CAMKMT: variants seen among roughly 807,000 people sequenced by gnomAD.
The protein encoded by CAMKMT is calmodulin-lysine N-methyltransferase, also known as CaM KMT.
CAMKMT carries 53 observed loss-of-function variants against 48.0 expected under a neutral mutation model. The observed-to-expected ratio is 1.10, with a 90% CI of 0.89 to 1.39. CAMKMT has a LOEUF of 1.39. CAMKMT is among the 40% of genes most tolerant of loss of function. The pLI is 0.00. For missense variants in CAMKMT, 428 were observed against 402.7 expected (o/e 1.06, Z -0.54); for synonymous variants, 165 against 152.3 (o/e 1.08, Z -0.61).
intron 3 of CAMKMT, among the ~76,000 whole-genome samples, chr2:44,511,168 C>A (rs565045041): frequency 3.0e-4 from 45 of 152,018 alleles, no homozygotes; most frequent in African/African-American, 1.1e-3. Flanking sequence ...GCCTTTTCAT[C>A]CCCATAGCTT....
chr2:44,564,406 C>T (rs1668499055), intron 3 of CAMKMT, among the ~76,000 whole-genome samples: 1 of 152,064 alleles, frequency 6.6e-6, no homozygotes, highest in African/African-American at 2.4e-5. Context: ...AACTCCTGAC[C>T]TCAACTGATC....
intron 9 of CAMKMT, among the ~76,000 whole-genome samples, chr2:44,764,605 C>G (rs1455702747): frequency 6.6e-6 from 1 of 152,128 alleles, no homozygotes; most frequent in African/African-American, 2.4e-5. Flanking sequence ...TCTGATTGTC[C>G]TGAGGTGACA....
intron 3 of CAMKMT, among the ~76,000 whole-genome samples, chr2:44,677,342 T>C (rs1193032853): frequency 6.6e-6 from 1 of 152,126 alleles, no homozygotes; most frequent in African/African-American, 2.4e-5. Flanking sequence ...TGCAAGAACA[T>C]AGGCAAACTT....
intron 3 of CAMKMT, among the ~76,000 whole-genome samples, chr2:44,565,089 A>G (rs1474418695): frequency 1.3e-5 from 2 of 152,188 alleles, no homozygotes; most frequent in Admixed American, 6.5e-5. Context: ...CGGAGAAGGC[A>G]TCTTTCTCAT....
At chr2:44,467,573 A>G (rs1320151686) in intron 3 of CAMKMT, among the ~76,000 whole-genome samples, 2 of 151,906 alleles carry the variant, frequency 1.3e-5, no homozygotes, top group African/African-American at 4.8e-5. Context: ...AAGCCAAACC[A>G]ACAAACAAAA....
intron 3 of CAMKMT, among the ~76,000 whole-genome samples, chr2:44,468,540 A>G (rs1037562027): frequency 6.6e-6 from 1 of 152,232 alleles, no homozygotes; most frequent in East Asian, 1.9e-4. Context: ...TTGAAGAGCT[A>G]TCTGCACTCC....
chr2:44,507,996 C>A (rs182730696), intron 3 of CAMKMT, among the ~76,000 whole-genome samples: 120 of 152,308 alleles, frequency 7.9e-4, no homozygotes, highest in African/African-American at 2.8e-3. Flanking sequence ...TGGTGAAGGA[C>A]TTTTATGCAT....
chr2:44,594,943 A>G (rs547394937), intron 3 of CAMKMT, among the ~76,000 whole-genome samples: 8 of 152,342 alleles, frequency 5.3e-5, no homozygotes, highest in African/African-American at 1.9e-4. Context: ...CAGAATCTAC[A>G]AAGAACTTAA....
In CAMKMT at chr2:44,618,523, G is replaced by A. The variant is rs748372208; in HGVS notation, c.377-85760G>A. 4.6e-5 allele frequency among the ~76,000 whole-genome samples: 7 copies of A among 152,194 alleles called. No individual in the cohort carries two copies. Among genetic ancestry groups the A allele is most frequent in the African/African-American group, 1.2e-4 (5 of 41,438 alleles). Reference sequence around the variant, plus strand: ...GATGAGATGACATTGATGATGACACGTTGAGCATTGGTTGGTTTTAAGACA... The same window carrying A: ...GATGAGATGACATTGATGATGACACATTGAGCATTGGTTGGTTTTAAGACA... On this transcript the variant is annotated intron_variant, in intron 3 of 10. Transcript: ENST00000378494. This position sits in a 1 kb window ranked among gnomAD's most constrained non-coding sequence, Gnocchi z 4.0.
chr2:44,678,367 T>G (rs1325688633), intron 3 of CAMKMT, among the ~76,000 whole-genome samples: 4 of 152,196 alleles, frequency 2.6e-5, no homozygotes, highest in African/African-American at 9.6e-5. Context: ...AATGTGACTG[T>G]GTATTCACTG....
intron 7 of CAMKMT, 116 bp from the exon 8 acceptor site, chr2:44,743,506 A>C: frequency 3.0e-6 from 2 of 672,010 alleles, no homozygotes; most frequent in Non-Finnish European, 5.1e-6. Context: ...TTTTGAAATA[A>C]TTTGTATATA....
rs148740366 is a variant in CAMKMT, at chr2:44,677,475, G to C, written c.377-26808G>C. Among the ~76,000 whole-genome samples, 202 of 152,270 alleles carry C rather than the reference G, an allele frequency of 1.3e-3. 1 individual carries two copies. The highest frequency in any genetic ancestry group is 2.3e-3 in the Non-Finnish European group (158 of 68,014). On this transcript the variant is annotated intron_variant, in intron 3 of 10. Coordinates refer to ENST00000378494, the MANE Select transcript of CAMKMT (RefSeq NM_024766.5). ...AGTCTGTACTCAGGAGAGCTGTCCAGAGTAGCCAGGCCACATCCAGCCACA... is the reference window on the plus strand; with the variant it reads ...AGTCTGTACTCAGGAGAGCTGTCCACAGTAGCCAGGCCACATCCAGCCACA...
chr2:44,402,740 GTTTT>G, intron 3 of CAMKMT, among the ~76,000 whole-genome samples: 1 of 94,104 alleles, frequency 1.1e-5, no homozygotes, highest in Non-Finnish European at 2.1e-5. Flanking sequence ...TTGTTTTGCT[GTTTT>G]TTTTTTTTTT....
chr2:44,759,060 T>C (rs901387177), intron 9 of CAMKMT, among the ~76,000 whole-genome samples: 1 of 152,204 alleles, frequency 6.6e-6, no homozygotes, highest in African/African-American at 2.4e-5. Flanking sequence ...ATCACCAGAT[T>C]CCCAGAGTCC....
intron 3 of CAMKMT, among the ~76,000 whole-genome samples, chr2:44,623,132 T>G (rs911556741): frequency 6.6e-6 from 1 of 152,234 alleles, no homozygotes; most frequent in African/African-American, 2.4e-5. Flanking sequence ...TGTCTTCTTT[T>G]GAGAAGTGTC....
At chr2:44,379,051 A>G (rs75108931) in intron 2 of CAMKMT, among the ~76,000 whole-genome samples, 451 of 152,296 alleles carry the variant, frequency 3.0e-3, no homozygotes, top group Admixed American at 4.4e-3. Flanking sequence ...AACCCCATAT[A>G]CATTGGCTGT....
intron 3 of CAMKMT, among the ~76,000 whole-genome samples, chr2:44,580,820 A>G (rs1329931191): frequency 6.6e-6 from 1 of 152,222 alleles, no homozygotes; most frequent in Non-Finnish European, 1.5e-5. Context: ...CTTATTTGCT[A>G]GCATTGATCT....
At chr2:44,489,924 A>G (rs902748241) in intron 3 of CAMKMT, among the ~76,000 whole-genome samples, 5 of 152,120 alleles carry the variant, frequency 3.3e-5, no homozygotes, top group African/African-American at 9.7e-5. Flanking sequence ...AAACCTCAGT[A>G]TTATGCAATA....
At chr2:44,418,625 A>G (rs529854429) in intron 3 of CAMKMT, among the ~76,000 whole-genome samples, 3 of 152,308 alleles carry the variant, frequency 2.0e-5, no homozygotes, top group African/African-American at 7.2e-5. Context: ...ATGGCACTAC[A>G]TTGTCATGAT....
Sources: gnomAD v4.1 joint callset for allele counts (sites outside exome capture counted in the v4.1 genomes callset) on GRCh38, gnomAD v4.1.1 for gene constraint, Gnocchi (gnomAD v3.1) non-coding constraint, MANE v1.5 for transcripts, NCBI Gene and HGNC (gene_info 2026-07-23, HGNC 2026-07-21) for gene names.